Variants in KCNB2 observed in about 807,000 individuals in gnomAD.
KCNB2 encodes delayed rectifier potassium channel protein.
Under a neutral mutation model 61.5 loss-of-function variants are expected in KCNB2, and 15 were observed. That is an observed-to-expected ratio of 0.24 (90% confidence interval 0.16 to 0.38). The LOEUF is 0.38. Among genes scored for constraint, KCNB2 ranks in the 10% least tolerant of loss-of-function variants. KCNB2 has a pLI of 1.00. For synonymous variants in KCNB2, 457 were observed against 446.0 expected (o/e 1.02, Z -0.31); for missense variants, 828 against 1,125.2 (o/e 0.74, Z 3.78).
chr8:72,753,316 A>G (rs561556294), intron 2 of KCNB2, among the ~76,000 whole-genome samples: 199 of 152,356 alleles, frequency 1.3e-3, no homozygotes, highest in African/African-American at 4.6e-3. Flanking sequence ...GTGACATAAC[A>G]TCATAATGAT....
chr8:72,578,161 A>C (rs140511667), intron 2 of KCNB2, among the ~76,000 whole-genome samples: 1 of 152,200 alleles, frequency 6.6e-6, no homozygotes, highest in African/African-American at 2.4e-5. Flanking sequence ...GTGATAAATT[A>C]GATGTATTTC....
chr8:72,936,198 T>C lies in KCNB2; in HGVS notation c.843T>C (p.Ile281=), dbSNP rs1166843840. ...CCATCTTGCCGTACTATGTCACCAT[T>C]TTTCTGACGGAGTCCAACAAGAGCG... The part of the protein sequence containing the change: ...LLAILPYYVT[I]FLTESNKSVL... The change falls in exon 3 of 3, where the codon ATT becomes ATC. Residue 281 remains isoleucine, a synonymous_variant. Transcript: ENST00000523207. This position sits in a 1 kb window ranked among gnomAD's most constrained non-coding sequence, Gnocchi z 5.6. The C allele has an allele frequency of 3.1e-6, 5 of 1,614,092 alleles. No homozygotes were observed. The highest frequency in any genetic ancestry group is 4.2e-6 in the Non-Finnish European group (5 of 1,180,042).
intron 2 of KCNB2, among the ~76,000 whole-genome samples, chr8:72,838,695 G>A (rs7845299): frequency 0.85 from 129,805 of 152,184 alleles, 56,323 homozygotes; most frequent in Middle Eastern, 0.97. Context: ...TCACATTACA[G>A]TTACTGGATC....
chr8:72,803,753 A>G (rs184267012), intron 2 of KCNB2, among the ~76,000 whole-genome samples: 1 of 152,186 alleles, frequency 6.6e-6, no homozygotes, highest in African/African-American at 2.4e-5. Flanking sequence ...GAGTGAAGAG[A>G]TGTCTGGCAA....
intron 2 of KCNB2, among the ~76,000 whole-genome samples, chr8:72,759,044 A>G (rs1414888757): frequency 6.6e-6 from 1 of 152,178 alleles, no homozygotes; most frequent in Non-Finnish European, 1.5e-5. Flanking sequence ...CCTGTGTTTA[A>G]TGAACTTAGT....
intron 1 of KCNB2, among the ~76,000 whole-genome samples, chr8:72,561,474 C>G (rs568445818): frequency 1.3e-5 from 2 of 150,840 alleles, no homozygotes; most frequent in South Asian, 2.1e-4. Flanking sequence ...ATTTGAGGAA[C>G]AAAATGATAT....
At chr8:72,805,062 C>T (rs1809196135) in intron 2 of KCNB2, among the ~76,000 whole-genome samples, 1 of 152,160 alleles carries the variant, frequency 6.6e-6, no homozygotes, top group African/African-American at 2.4e-5. Flanking sequence ...TGCTCACTTA[C>T]CAGCTCAGTC....
intron 2 of KCNB2, among the ~76,000 whole-genome samples, chr8:72,841,361 C>CTTTTT (rs796222096): frequency 3.5e-4 from 23 of 66,158 alleles, no homozygotes; most frequent in East Asian, 4.3e-4. Flanking sequence ...GTTTTCTTTT[C>CTTTTT]TTTTTTTTTT....
intron 2 of KCNB2, among the ~76,000 whole-genome samples, chr8:72,772,522 T>C (rs963932815): frequency 1.3e-5 from 2 of 152,246 alleles, no homozygotes; most frequent in Admixed American, 1.3e-4. Context: ...GGATTAGGCA[T>C]TCAGAGCTTC....
intron 2 of KCNB2, among the ~76,000 whole-genome samples, chr8:72,732,819 G>C (rs545665845): frequency 6.6e-6 from 1 of 152,230 alleles, no homozygotes; most frequent in Non-Finnish European, 1.5e-5. Context: ...ACTCAGCCCT[G>C]GTGCTATGAT....
chr8:72,552,143 G>T (rs4543587), intron 1 of KCNB2, among the ~76,000 whole-genome samples: 99,643 of 151,986 alleles, frequency 0.66, 32,996 homozygotes, highest in Admixed American at 0.71. Flanking sequence ...GGAGTCCCAG[G>T]GTATACCACT....
At chr8:72,920,134 T>C (rs928127664) in intron 2 of KCNB2, among the ~76,000 whole-genome samples, 7 of 152,044 alleles carry the variant, frequency 4.6e-5, no homozygotes, top group East Asian at 1.9e-4. Context: ...ACTTAAGTCA[T>C]GTAAGATCAC....
At chr8:72,782,607 C>T (rs2128998035) in intron 2 of KCNB2, among the ~76,000 whole-genome samples, 1 of 152,248 alleles carries the variant, frequency 6.6e-6, no homozygotes, top group South Asian at 2.1e-4. Flanking sequence ...CTTGTTATGA[C>T]CCACTGCTTT....
chr8:72,770,593 T>C (rs928428167), intron 2 of KCNB2, among the ~76,000 whole-genome samples: 18 of 152,166 alleles, frequency 1.2e-4, no homozygotes, highest in African/African-American at 4.3e-4. Context: ...GGCTATATAA[T>C]CTAGGGCAAG....
chr8:72,839,923 T>A (rs568987958), intron 2 of KCNB2, among the ~76,000 whole-genome samples: 263 of 152,048 alleles, frequency 1.7e-3, no homozygotes, highest in Middle Eastern at 0.017. Flanking sequence ...TTTTTTTTTT[T>A]TTAATACTTT....
chr8:72,889,770 A>G (rs1315349508), intron 2 of KCNB2, among the ~76,000 whole-genome samples: 1 of 152,118 alleles, frequency 6.6e-6, no homozygotes, highest in Non-Finnish European at 1.5e-5. Context: ...CTCCATTTAT[A>G]TATATATATG....
chr8:72,608,838 G>A (rs1805495315), intron 2 of KCNB2, among the ~76,000 whole-genome samples: 1 of 152,056 alleles, frequency 6.6e-6, no homozygotes, highest in South Asian at 2.1e-4. Flanking sequence ...TCACAACTTG[G>A]CCCAACTTGT....
intron 2 of KCNB2, among the ~76,000 whole-genome samples, chr8:72,756,001 T>C (rs530923893): frequency 2.2e-4 from 33 of 152,316 alleles, no homozygotes; most frequent in African/African-American, 7.7e-4. Context: ...GTACATATGA[T>C]GCTGCTTTCT....
chr8:72,833,429 TAGTG>T (rs1809730693), intron 2 of KCNB2, among the ~76,000 whole-genome samples: 2 of 151,956 alleles, frequency 1.3e-5, no homozygotes, highest in African/African-American at 4.8e-5. Flanking sequence ...CTGCAGGAAA[TAGTG>T]AGGTTCTAGC....
Sources: allele counts gnomAD v4.1 joint callset (sites outside exome capture counted in the v4.1 genomes callset), GRCh38; gene constraint gnomAD v4.1.1; non-coding constraint Gnocchi (gnomAD v3.1); transcripts MANE v1.5; gene names NCBI Gene and HGNC (gene_info 2026-07-23, HGNC 2026-07-21).